The following RYR3 variants were observed in gnomAD, a reference collection of about 807,000 sequenced individuals.
RYR3 encodes the protein brain ryanodine receptor-calcium release channel.
Under a neutral mutation model 584.3 loss-of-function variants are expected in RYR3, and 207 were observed. That is an observed-to-expected ratio of 0.35 (90% CI 0.32 to 0.40). The LOEUF (loss-of-function observed/expected upper bound fraction) is 0.40. RYR3 is among the 10% of genes least tolerant of loss of function. RYR3 has a pLI of 1.00. For missense variants in RYR3, 5,616 were observed against 6,089.2 expected, an observed-to-expected ratio of 0.92 and a Z score of 2.59; for synonymous variants, 2,416 against 2,248.5, an observed-to-expected ratio of 1.07 and a Z score of -2.11.
chr15:33,468,921 C>A (rs530066423), intron 1 of RYR3, among the ~76,000 whole-genome samples: 1 of 152,262 alleles, frequency 6.6e-6, no homozygotes, highest in Non-Finnish European at 1.5e-5. Context: ...AGGCAAGTTA[C>A]GTAACTGCTC....
At position 33,810,615 on chromosome 15, in the gene RYR3, A is replaced by G; in HGVS notation, c.10163A>G (p.Glu3388Gly). The change falls in exon 71 of 104, where the codon GAG (glutamate) becomes GGG (glycine). Residue 3388 changes from glutamate to glycine, a missense_variant. By Grantham distance (98) the Glu-to-Gly change is moderately conservative. Around this residue, in one of 9 missense-constraint regions of RYR3, gnomAD observed 954 missense variants for 1,132.2 expected, o/e 0.84. Transcript: ENST00000634891. Reference protein sequence around the residue: ...GLNMCTPGDQELISLAKSRYS... With the variant: ...GLNMCTPGDQGLISLAKSRYS... ...AATATGTGTACTCCAGGCGACCAGG[A>G]GCTGATCTCCCTCGCAAAATCGCGA... 4.3e-6 allele frequency: 7 copies of G among 1,614,000 alleles called. No individual in the cohort carries two copies. The highest frequency in any genetic ancestry group is 5.1e-6 in the Non-Finnish European group (6 of 1,179,874).
Position 33,811,016 on chromosome 15 carries a change from C to T in RYR3, c.10236C>T (p.Asn3412=), listed in dbSNP as rs1296313954. The change falls in exon 72 of 104, where the codon AAC becomes AAT. Residue 3412 remains asparagine (N), a synonymous_variant. Coordinates refer to ENST00000634891, the MANE Select transcript of RYR3 (RefSeq NM_001036.6). ...AAGAGGTCAGAGAACATCTGCGGAA[C>T]AACTTGCACTTGCAGGAAAAGGTGA... ...TDEEVREHLR[N]NLHLQEKSDD... 1 of 1,609,306 alleles carries T rather than the reference C, an allele frequency of 6.2e-7. No homozygotes were observed. The highest frequency in any genetic ancestry group is 8.5e-7 in the Non-Finnish European group (1 of 1,178,032).
chr15:33,678,245 G>A (rs12439695), intron 38 of RYR3, among the ~76,000 whole-genome samples: 23,777 of 152,174 alleles, frequency 0.16, 2,281 homozygotes, highest in Admixed American at 0.3. Context: ...TAATCCCCAC[G>A]TGTTGAAGCA....
At chr15:33,819,710 ATAAATAAATAAAAAG>A in intron 76 of RYR3, 31 bp from the exon 77 acceptor site, 1 of 785,546 alleles carries the variant, frequency 1.3e-6, no homozygotes, top group Non-Finnish European at 1.8e-6. Flanking sequence ...AAATAAATAA[ATAAATAAATAAAAAG>A]CCTGCTAAAT....
intron 52 of RYR3, among the ~76,000 whole-genome samples, chr15:33,744,484 A>G (rs1567076441): frequency 6.6e-6 from 1 of 152,142 alleles, no homozygotes; most frequent in Non-Finnish European, 1.5e-5. Flanking sequence ...AAGCCTCATG[A>G]TCTTGTGGGA....
rs577013231 is a variant in RYR3, at chr15:33,381,715, C to T, written c.51+70619C>T. On this transcript the variant is annotated intron_variant, in intron 1 of 103. Transcript: ENST00000634891. ...CTGCAAGACGCATGGCTGACTTGCC[C>T]TATGCTGCCTTGTATTTATGTTTTA... 2.0e-5 allele frequency among the ~76,000 whole-genome samples: 3 copies of T among 152,270 alleles called. No homozygotes were observed. In the East Asian group the frequency reaches 5.8e-4, roughly 29 times the overall value.
In RYR3 at chr15:33,649,222, C is replaced by T. The variant is rs377266014; in HGVS notation, c.4129C>T (p.Arg1377Trp). ...VTVTLGDERG[R>W]VHESVKRSNC... ...TGTCACCCTAGGGGATGAAAGAGGC[C>T]GGGTCCATGAAAGGTAAGGGGGCTC... Residue 1377 changes from arginine (R) to tryptophan (W), a missense_variant, in exon 31 of 104, where the codon CGG becomes TGG. Arg to Trp is a moderately radical substitution (Grantham distance 101). Around this residue, in one of 9 missense-constraint regions of RYR3, gnomAD observed 753 missense variants for 741.0 expected, o/e 1.02. Coordinates refer to ENST00000634891, the MANE Select transcript of RYR3 (RefSeq NM_001036.6). The T allele has an allele frequency of 9.3e-6, 15 of 1,612,344 alleles. No individual in the cohort carries two copies. Among genetic ancestry groups the T allele is most frequent in the East Asian group, 4.5e-5 (2 of 44,882 alleles).
intron 1 of RYR3, among the ~76,000 whole-genome samples, chr15:33,460,841 C>T (rs1276601747): frequency 6.6e-6 from 1 of 151,588 alleles, no homozygotes; most frequent in African/African-American, 2.4e-5. Flanking sequence ...GCTTGGCCCA[C>T]CACTTCCCTA....
At chr15:33,854,640 C>A in intron 97 of RYR3, 126 bp from the exon 98 acceptor site, 1 of 1,282,078 alleles carries the variant, frequency 7.8e-7, no homozygotes, top group Non-Finnish European at 1.1e-6. Context: ...CTTGGGCCAG[C>A]TCACAGCACC....
At chr15:33,562,106 C>A (rs2057438891) in intron 10 of RYR3, among the ~76,000 whole-genome samples, 2 of 152,100 alleles carry the variant, frequency 1.3e-5, no homozygotes, top group South Asian at 2.1e-4. Context: ...GAAGAAGTTA[C>A]CATGCATCAG....
At chr15:33,373,376 A>C (rs1401695816) in intron 1 of RYR3, among the ~76,000 whole-genome samples, 1 of 152,268 alleles carries the variant, frequency 6.6e-6, no homozygotes, top group African/African-American at 2.4e-5. Flanking sequence ...CACAAGGTAC[A>C]TAACTTACTT....
chr15:33,329,731 G>C (rs1970155964), intron 1 of RYR3, among the ~76,000 whole-genome samples: 1 of 152,100 alleles, frequency 6.6e-6, no homozygotes, highest in Admixed American at 6.6e-5. Flanking sequence ...TTTGACAAAG[G>C]ATAGTCTATT....
At chr15:33,455,043 T>C (rs1352113598) in intron 1 of RYR3, among the ~76,000 whole-genome samples, 1 of 152,186 alleles carries the variant, frequency 6.6e-6, no homozygotes, top group Non-Finnish European at 1.5e-5. Flanking sequence ...AGGAAGCTAT[T>C]GTAGAAATCC....
At chr15:33,863,481 C>G (rs1031605001) in intron 102 of RYR3, among the ~76,000 whole-genome samples, 2 of 152,066 alleles carry the variant, frequency 1.3e-5, no homozygotes, top group African/African-American at 4.8e-5. Flanking sequence ...AATCCTTTTC[C>G]GGAAGGGCAA....
At position 33,848,420 on chromosome 15, in the gene RYR3, C is replaced by G. The variant is rs762840378; in HGVS notation, c.13627C>G (p.Pro4543Ala). The G allele has an allele frequency of 1.2e-6, 2 of 1,611,314 alleles. No individual in the cohort carries two copies. Among genetic ancestry groups the G allele is most frequent in the East Asian group, 4.5e-5 (2 of 44,868 alleles). The change falls in exon 94 of 104, where the codon CCA (proline) becomes GCA (alanine). Residue 4543 changes from proline to alanine, a missense_variant and splice_region_variant. By Grantham distance (27) the Pro-to-Ala change is conservative. This residue lies in a region of RYR3 where 918 missense variants were observed against 887.4 expected (regional missense o/e 1.03). Transcript: ENST00000634891. The stretch of plus-strand genomic sequence containing the variant: ...GTGGGACCGCTTGGTGATCAACACA[C>G]CGTGAGTGTCCCTCTACCCCAACCT... ...GQWDRLVINT[P>A]SFPNNYWDKF...
Position 33,728,959 on chromosome 15 carries a change from C to G in RYR3, c.7136C>G (p.Thr2379Ser). Residue 2379 changes from threonine to serine, a missense_variant, in exon 47 of 104, where the codon ACT (threonine) becomes AGT (serine). Physicochemically the swap from Thr to Ser is moderately conservative, Grantham distance 58 (BLOSUM62 1). Around this residue, in one of 9 missense-constraint regions of RYR3, gnomAD observed 1,280 missense variants for 1,426.2 expected, o/e 0.90. Transcript: ENST00000634891. The part of the protein sequence containing the change: ...LDRVYGIKDQ[T>S]FLLHLLEVGF... ...CGCGTTTATGGCATTAAGGATCAAA[C>G]TTTTCTGCTCCACTTGCTGGAGGTT... The G allele has an allele frequency of 6.2e-7, 1 of 1,613,994 alleles. No individual in the cohort carries two copies. Among genetic ancestry groups the G allele is most frequent in the Non-Finnish European group, 8.5e-7 (1 of 1,179,880 alleles).
chr15:33,731,825 A>G lies in RYR3; in HGVS notation c.7424+131A>G, dbSNP rs1405727862. 4.4e-6 allele frequency: 3 copies of G among 678,192 alleles called. No individual in the cohort carries two copies. In the African/African-American group the frequency reaches 5.3e-5, roughly 12 times the overall value. The allele number at this position is 678,192 out of a possible 1,614,324, so 42.0% of individuals were successfully genotyped here. On this transcript the variant is annotated intron_variant, in intron 48 of 103. Transcript: ENST00000634891. ...CATTGTCATACACCAGCCCTCCCCC[A>G]GACATCTCATAGGATGTGCTCGGCT...
At chr15:33,845,611 C>T (rs1309818170) in intron 93 of RYR3, among the ~76,000 whole-genome samples, 3 of 152,184 alleles carry the variant, frequency 2.0e-5, no homozygotes, top group Non-Finnish European at 4.4e-5. Flanking sequence ...AATCTGTACG[C>T]ACTTTCAAGT....
At chr15:33,410,692 G>A (rs1257925180) in intron 1 of RYR3, among the ~76,000 whole-genome samples, 1 of 152,246 alleles carries the variant, frequency 6.6e-6, no homozygotes, top group Non-Finnish European at 1.5e-5. Flanking sequence ...AGTGATATGA[G>A]TGGCATGGGC....
Sources: allele counts gnomAD v4.1 joint callset (sites outside exome capture counted in the v4.1 genomes callset), GRCh38; gene constraint gnomAD v4.1.1; regional missense constraint gnomAD v4.1.1; transcripts MANE v1.5; gene names NCBI Gene and HGNC (gene_info 2026-07-23, HGNC 2026-07-21).